The following CFAP299 variants were observed in gnomAD, a reference collection of about 807,000 sequenced individuals.
CFAP299 encodes cilia- and flagella-associated protein 299.
A neutral mutation model predicts 27.0 loss-of-function variants in CFAP299; 21 were observed. That is an observed-to-expected ratio of 0.78 (90% CI 0.55 to 1.12). CFAP299 has a LOEUF of 1.12. Among genes scored for constraint, CFAP299 ranks in the 50% most tolerant of loss-of-function variants. The pLI, the probability that CFAP299 is intolerant of heterozygous loss-of-function variation, is 0.00. For missense variants in CFAP299, 310 were observed against 276.6 expected, an observed-to-expected ratio of 1.12 and a Z score of -0.86; for synonymous variants, 104 against 98.1, an observed-to-expected ratio of 1.06 and a Z score of -0.36.
intron 3 of CFAP299, among the ~76,000 whole-genome samples, chr4:80,749,313 G>C (rs932827053): frequency 3.3e-5 from 5 of 151,634 alleles, no homozygotes; most frequent in Non-Finnish European, 7.4e-5. Context: ...TTTTTGTCTT[G>C]GTTTCCTGTG....
intron 3 of CFAP299, among the ~76,000 whole-genome samples, chr4:80,631,669 C>T (rs1317444224): frequency 6.6e-6 from 1 of 152,122 alleles, no homozygotes; most frequent in Non-Finnish European, 1.5e-5. Context: ...AAACATATTA[C>T]TTTCAAGTTA....
intron 2 of CFAP299, among the ~76,000 whole-genome samples, chr4:80,579,729 G>C (rs1174496534): frequency 6.6e-6 from 1 of 151,892 alleles, no homozygotes; most frequent in Non-Finnish European, 1.5e-5. Flanking sequence ...ACAGTAAGTT[G>C]CAAAATATAT....
At chr4:80,559,506 A>G (rs1734939840) in intron 2 of CFAP299, among the ~76,000 whole-genome samples, 1 of 152,158 alleles carries the variant, frequency 6.6e-6, no homozygotes, top group Non-Finnish European at 1.5e-5. Flanking sequence ...GCGCCTGTGT[A>G]AGAACCAAAA....
intron 2 of CFAP299, among the ~76,000 whole-genome samples, chr4:80,463,143 A>G (rs1244077893): frequency 2.2e-5 from 3 of 135,212 alleles, no homozygotes; most frequent in Non-Finnish European, 4.6e-5. Context: ...CATTCAATCA[A>G]ATAAAATGAT....
intron 2 of CFAP299, among the ~76,000 whole-genome samples, chr4:80,414,198 G>T (rs1726886326): frequency 6.7e-6 from 1 of 148,502 alleles, no homozygotes; most frequent in Admixed American, 6.7e-5. Context: ...AGCCTCCCAA[G>T]TAGCTGGGAC....
intron 2 of CFAP299, among the ~76,000 whole-genome samples, chr4:80,472,129 G>A (rs1350241938): frequency 6.6e-6 from 1 of 152,172 alleles, no homozygotes; most frequent in East Asian, 1.9e-4. Context: ...TTAGAAAGGG[G>A]GCAGGAGAGG....
chr4:80,576,197 A>AAATATAT (rs980515680), intron 2 of CFAP299, among the ~76,000 whole-genome samples: 174 of 32,446 alleles, frequency 5.4e-3, no homozygotes, highest in Admixed American at 9.2e-3. Context: ...TAAAAAAAAA[A>AAATATAT]ATATATATAT....
At chr4:80,337,945 C>A (rs1722236742) in intron 1 of CFAP299, among the ~76,000 whole-genome samples, 1 of 152,092 alleles carries the variant, frequency 6.6e-6, no homozygotes, top group Non-Finnish European at 1.5e-5. Flanking sequence ...TAGAGATCTA[C>A]ATTCTCAAAT....
chr4:80,596,065 C>G (rs1737043108), intron 3 of CFAP299, among the ~76,000 whole-genome samples: 2 of 151,422 alleles, frequency 1.3e-5, no homozygotes, highest in African/African-American at 2.4e-5. Flanking sequence ...TTTTTGGAGT[C>G]CAAAGAGGGA....
chr4:80,683,384 A>C (rs1719967345), intron 3 of CFAP299, among the ~76,000 whole-genome samples: 1 of 152,160 alleles, frequency 6.6e-6, no homozygotes, highest in South Asian at 2.1e-4. Flanking sequence ...AGTTCTGCAT[A>C]AGTTCCTTTT....
At chr4:80,590,526 A>G (rs1260913229) in intron 3 of CFAP299, among the ~76,000 whole-genome samples, 2 of 152,074 alleles carry the variant, frequency 1.3e-5, no homozygotes, top group Admixed American at 6.5e-5. Context: ...TAACTCAGCT[A>G]CTTGGGAGGC....
At chr4:80,377,274 A>C (rs1724464117) in intron 2 of CFAP299, among the ~76,000 whole-genome samples, 1 of 152,048 alleles carries the variant, frequency 6.6e-6, no homozygotes, top group Non-Finnish European at 1.5e-5. Flanking sequence ...TTGTATTAAT[A>C]ATTTATTTTA....
At chr4:80,408,586 T>C (rs1361939663) in intron 2 of CFAP299, among the ~76,000 whole-genome samples, 1 of 152,164 alleles carries the variant, frequency 6.6e-6, no homozygotes, top group Non-Finnish European at 1.5e-5. Context: ...TTGTTTTATT[T>C]AAGGTGCCTT....
rs533238885 is a variant in CFAP299, at chr4:80,936,709, T to C, written c.477-8101T>C. ...ATGCTGGGCTTAGTACATGCCTGAC[T>C]AAATCATTTATACAACAAACACCCA... On this transcript the variant is annotated intron_variant, in intron 4 of 5. Transcript: ENST00000358105. 2.6e-5 allele frequency among the ~76,000 whole-genome samples: 4 copies of C among 152,136 alleles called. No homozygotes were observed. In the East Asian group the frequency reaches 7.7e-4, roughly 29 times the overall value.
chr4:80,730,195 T>C (rs1483608479), intron 3 of CFAP299, among the ~76,000 whole-genome samples: 1 of 151,830 alleles, frequency 6.6e-6, no homozygotes, highest in African/African-American at 2.4e-5. Flanking sequence ...TCCTTCTCTT[T>C]TTTCCCTGCC....
At chr4:80,352,016 A>G (rs1041358360) in intron 1 of CFAP299, among the ~76,000 whole-genome samples, 1 of 151,962 alleles carries the variant, frequency 6.6e-6, no homozygotes, top group African/African-American at 2.4e-5. Flanking sequence ...TATAATGTCT[A>G]TATTAATATC....
intron 4 of CFAP299, among the ~76,000 whole-genome samples, chr4:80,927,442 G>T (rs893563942): frequency 6.6e-6 from 1 of 151,984 alleles, no homozygotes; most frequent in Admixed American, 6.6e-5. Context: ...GTTTCCTACT[G>T]CTAAGTCACA....
rs1049330304 is a variant in CFAP299 at position 80,783,144 on chromosome 4, G to A, written c.334-86849G>A. On this transcript the variant is annotated intron_variant, in intron 3 of 5. Coordinates refer to ENST00000358105, the MANE Select transcript of CFAP299 (RefSeq NM_152770.3). ...TCATTTCAGCTAAAATGTTATTTAA[G>A]GCAGCAAATCTCTGAAGGCTTGACT... Among the ~76,000 whole-genome samples, 4 of 152,158 alleles carry A rather than the reference G, an allele frequency of 2.6e-5. No homozygotes were observed. The East Asian group carries it at 5.8e-4, about 22-fold the overall frequency.
chr4:80,546,467 G>T (rs1482094404), intron 2 of CFAP299, among the ~76,000 whole-genome samples: 1 of 152,168 alleles, frequency 6.6e-6, no homozygotes, highest in Non-Finnish European at 1.5e-5. Context: ...ACTGTTGAAA[G>T]AAAGAAGAGA....
Sources: allele counts gnomAD v4.1 joint callset (sites outside exome capture counted in the v4.1 genomes callset), GRCh38; gene constraint gnomAD v4.1.1; transcripts MANE v1.5; gene names NCBI Gene and HGNC (gene_info 2026-07-23, HGNC 2026-07-21).